The following DAG1 variants were observed in gnomAD, a reference collection of about 807,000 sequenced individuals.
The protein encoded by DAG1 is dystroglycan 1.
Under a neutral mutation model 46.1 loss-of-function variants are expected in DAG1, and 8 were observed. That is an observed-to-expected ratio of 0.17 (90% confidence interval 0.10 to 0.31). The LOEUF (loss-of-function observed/expected upper bound fraction) is 0.31. Among genes scored for constraint, DAG1 ranks in the 10% least tolerant of loss-of-function variants. The pLI is 1.00. For synonymous variants in DAG1, 495 were observed against 481.8 expected (o/e 1.03, Z -0.36); for missense variants, 1,003 against 1,189.9 (o/e 0.84, Z 2.31).
At chr3:49,509,908 T>C (rs1559563925) in intron 1 of DAG1, among the ~76,000 whole-genome samples, 1 of 152,096 alleles carries the variant, frequency 6.6e-6, no homozygotes. Context: ...TTCATATTTT[T>C]AGTAGAGATG....
intron 1 of DAG1, chr3:49,492,847 C>G (rs2050223447): frequency 6.6e-6 from 1 of 151,910 alleles, no homozygotes; most frequent in African/African-American, 2.4e-5. Flanking sequence ...TCCTGAATTT[C>G]CAGGTTGGGC....
At chr3:49,504,554 C>T (rs1476880013) in intron 1 of DAG1, among the ~76,000 whole-genome samples, 6 of 138,426 alleles carry the variant, frequency 4.3e-5, no homozygotes. Context: ...ATCTGTCCCT[C>T]CACCAATACA....
At chr3:49,513,599 C>T (rs558446193) in intron 2 of DAG1, among the ~76,000 whole-genome samples, 11 of 152,230 alleles carry the variant, frequency 7.2e-5, no homozygotes, top group Admixed American at 5.9e-4. Flanking sequence ...TTCTTGTGTT[C>T]GCCTCCTTTT....
chr3:49,529,284 C>T (rs1257340432), intron 2 of DAG1, among the ~76,000 whole-genome samples: 7 of 152,190 alleles, frequency 4.6e-5, no homozygotes, highest in Admixed American at 1.3e-4. Context: ...AATCCTCCCG[C>T]CTTGGCCTCC....
intron 2 of DAG1, among the ~76,000 whole-genome samples, chr3:49,528,873 TG>T (rs2051265121): frequency 1.3e-5 from 2 of 149,706 alleles, no homozygotes; most frequent in Non-Finnish European, 3.0e-5. Context: ...TTTTCTGAGA[TG>T]GAGTCTCACT....
At chr3:49,515,166 C>T (rs1233834864) in intron 2 of DAG1, among the ~76,000 whole-genome samples, 1 of 151,974 alleles carries the variant, frequency 6.6e-6, no homozygotes, top group Non-Finnish European at 1.5e-5. Context: ...GATGGGGTTT[C>T]ACCATGTTGG....
At chr3:49,527,614 A>AATGGCGTGATCCCGGGAGGCGG (rs1034357779) in intron 2 of DAG1, among the ~76,000 whole-genome samples, 1 of 151,758 alleles carries the variant, frequency 6.6e-6, no homozygotes, top group Non-Finnish European at 1.5e-5. Context: ...GAGGCAGGAG[A>AATGGCGTGATCCCGGGAGGCGG]ATGGCGTGAT....
chr3:49,478,447 A>T lies in DAG1; in HGVS notation c.-117+8014A>T, dbSNP rs1195618713. ...CTGTCTCTACAAAAAATAAAAAAAAAAAAAAAAATTAGTTGAGTGTGGTGG... is the reference window on the plus strand; with the variant it reads ...CTGTCTCTACAAAAAATAAAAAAAATAAAAAAAATTAGTTGAGTGTGGTGG... On this transcript the variant is annotated intron_variant, in intron 1 of 2. Coordinates refer to ENST00000308775, the MANE Select transcript of DAG1 (RefSeq NM_004393.6). 3.3e-5 allele frequency among the ~76,000 whole-genome samples: 5 copies of T among 149,748 alleles called. 1 individual carries two copies. Among genetic ancestry groups the T allele is most frequent in the Middle Eastern group, 6.3e-3 (2 of 316 alleles).
upstream of DAG1, among the ~76,000 whole-genome samples, chr3:49,469,319 G>A (rs1341845522): frequency 6.6e-6 from 1 of 152,210 alleles, no homozygotes; most frequent in African/African-American, 2.4e-5. Flanking sequence ...AGCCCACCAC[G>A]GGTCTCATTC....
chr3:49,530,965 T>C lies in DAG1; in HGVS notation c.454T>C (p.Phe152Leu), dbSNP rs2051325315. Residue 152 changes from phenylalanine to leucine, a missense_variant, in exon 3 of 3, where the codon TTC becomes CTC. Physicochemically the swap from Phe to Leu is conservative, Grantham distance 22 (BLOSUM62 0). Around this residue, in one of 3 missense-constraint regions of DAG1, gnomAD observed 196 missense variants for 239.1 expected, o/e 0.82. Coordinates refer to ENST00000308775, the MANE Select transcript of DAG1 (RefSeq NM_004393.6). ...GSHIPQTSSVFSIEVYPEDHS... is the reference protein window; with the variant it reads ...GSHIPQTSSVLSIEVYPEDHS... Reference sequence around the variant, plus strand: ...CCACATCCCCCAGACCTCCAGTGTGTTCTCCATCGAGGTCTACCCTGAAGA... The same window carrying C: ...CCACATCCCCCAGACCTCCAGTGTGCTCTCCATCGAGGTCTACCCTGAAGA... The C allele has an allele frequency of 6.2e-7, 1 of 1,614,006 alleles. No individual in the cohort carries two copies. Among genetic ancestry groups the C allele is most frequent in the Non-Finnish European group, 8.5e-7 (1 of 1,180,026 alleles).
chr3:49,494,321 G>A (rs934062331), intron 1 of DAG1, among the ~76,000 whole-genome samples: 1 of 128,056 alleles, frequency 7.8e-6, no homozygotes, highest in Non-Finnish European at 1.6e-5. Context: ...CTGAGGCATT[G>A]TGCTTAGGGT....
chr3:49,503,570 G>A (rs2050515878), intron 1 of DAG1, among the ~76,000 whole-genome samples: 1 of 152,138 alleles, frequency 6.6e-6, no homozygotes, highest in African/African-American at 2.4e-5. Flanking sequence ...GGTGGCGCAT[G>A]CTTGTAATCC....
At chr3:49,503,529 C>T (rs1288207649) in intron 1 of DAG1, among the ~76,000 whole-genome samples, 1 of 151,940 alleles carries the variant, frequency 6.6e-6, no homozygotes, top group Non-Finnish European at 1.5e-5. Flanking sequence ...TTAAGGTGTC[C>T]TTTAGTCATT....
intron 2 of DAG1, among the ~76,000 whole-genome samples, chr3:49,511,594 G>T (rs1023558811): frequency 2.0e-5 from 3 of 152,188 alleles, no homozygotes; most frequent in African/African-American, 7.2e-5. Context: ...TCTCACTGTA[G>T]CCTTGACCTC....
chr3:49,510,607 G>A lies in DAG1; in HGVS notation c.73G>A (p.Val25Ile), dbSNP rs1425413994. The A allele has an allele frequency of 6.2e-7, 1 of 1,613,982 alleles. No individual in the cohort carries two copies. Among genetic ancestry groups the A allele is most frequent in the Non-Finnish European group, 8.5e-7 (1 of 1,180,022 alleles). ...GRTFLLLLSV[V>I]MAQSHWPSEP... ...GACCTTTCTCCTCCTGCTCTCTGTG[G>A]TTATGGCTCAGTCCCACTGGCCCAG... Residue 25 changes from valine to isoleucine, a missense_variant, in exon 2 of 3, where the codon GTT (valine) becomes ATT (isoleucine). Val to Ile is a conservative substitution (Grantham distance 29, BLOSUM62 3). Around this residue, in one of 3 missense-constraint regions of DAG1, gnomAD observed 196 missense variants for 239.1 expected, o/e 0.82. Coordinates refer to ENST00000308775, the MANE Select transcript of DAG1 (RefSeq NM_004393.6).
At chr3:49,515,408 A>T in intron 2 of DAG1, among the ~76,000 whole-genome samples, 1 of 129,216 alleles carries the variant, frequency 7.7e-6, no homozygotes, top group Non-Finnish European at 1.6e-5. Flanking sequence ...TTTTTTTGAG[A>T]CAGGGTCTTG....
At chr3:49,525,075 G>A (rs1288890464) in intron 2 of DAG1, among the ~76,000 whole-genome samples, 2 of 151,868 alleles carry the variant, frequency 1.3e-5, no homozygotes, top group Non-Finnish European at 2.9e-5. Context: ...TGGGCCTGAT[G>A]TCACCAGTAC....
chr3:49,475,192 C>A (rs1351938883), intron 1 of DAG1, among the ~76,000 whole-genome samples: 1 of 151,338 alleles, frequency 6.6e-6, no homozygotes, highest in African/African-American at 2.4e-5. Flanking sequence ...GCAACCTCCA[C>A]CTCCTGGGTT....
intron 1 of DAG1, among the ~76,000 whole-genome samples, chr3:49,478,559 T>C (rs1409766212): frequency 6.7e-6 from 1 of 149,702 alleles, no homozygotes; most frequent in African/African-American, 2.4e-5. Context: ...TTTAAATTTT[T>C]TGTAGAGAGG....
Sources: gnomAD v4.1 joint callset for allele counts (sites outside exome capture counted in the v4.1 genomes callset) on GRCh38, gnomAD v4.1.1 for gene constraint, gnomAD v4.1.1 regional missense constraint, MANE v1.5 for transcripts, NCBI Gene and HGNC (gene_info 2026-07-23, HGNC 2026-07-21) for gene names.